CRB2: variants seen among roughly 807,000 people sequenced by gnomAD.
CRB2 encodes the protein crumbs cell polarity complex component 2.
Under a neutral mutation model 110.9 loss-of-function variants are expected in CRB2, and 85 were observed. The observed-to-expected ratio is 0.77, with a 90% CI of 0.64 to 0.92. The LOEUF is 0.92. Ranked by LOEUF, CRB2 falls within the 40% of genes least tolerant of loss-of-function variation. The pLI, the probability that CRB2 is intolerant of heterozygous loss-of-function variation, is 0.00. For synonymous variants in CRB2, 907 were observed against 831.0 expected (o/e 1.09, Z -1.57); for missense variants, 1,843 against 1,851.3 (o/e 1.00, Z 0.08).
chr9:123,367,294 C>T lies in CRB2; in HGVS notation c.877C>T (p.Pro293Ser). The T allele has an allele frequency of 1.2e-6, 2 of 1,604,108 alleles. No individual in the cohort carries two copies. Among genetic ancestry groups the T allele is most frequent in the Non-Finnish European group, 1.7e-6 (2 of 1,179,318 alleles). The part of the protein sequence containing the change: ...ALYGGVQAAF[P>S]GAFSFRHAAG... ...CTACGGGGGTGTCCAGGCCGCCTTC[C>T]CTGGCGCCTTCAGCTTCCGCCATGC... is the stretch of plus-strand genomic sequence containing the variant. The change falls in exon 5 of 13, where the codon CCT (proline) becomes TCT (serine). Residue 293 changes from proline to serine, a missense_variant. Physicochemically the swap from Pro to Ser is moderately conservative, Grantham distance 74. Transcript: ENST00000373631.
chr9:123,362,826 C>T, intron 1 of CRB2, 39 bp from the exon 2 acceptor site: 2 of 1,532,764 alleles, frequency 1.3e-6, no homozygotes, highest in South Asian at 1.3e-5. Flanking sequence ...TCCTTGTAAC[C>T]TCTGCCCACC....
At chr9:123,358,092 A>C (rs2041820589) in intron 1 of CRB2, among the ~76,000 whole-genome samples, 1 of 152,232 alleles carries the variant, frequency 6.6e-6, no homozygotes, top group South Asian at 2.1e-4. Flanking sequence ...CACTGCAGGC[A>C]TGACCATTTC....
At chr9:123,368,131 G>A (rs763369305) in intron 6 of CRB2, among the ~76,000 whole-genome samples, 31 of 152,010 alleles carry the variant, frequency 2.0e-4, no homozygotes, top group African/African-American at 1.2e-4. Flanking sequence ...ACAGGACCCC[G>A]GTGAGCCCAG....
intron 9 of CRB2, among the ~76,000 whole-genome samples, chr9:123,372,581 A>G (rs2042032544): frequency 1.3e-5 from 2 of 152,220 alleles, no homozygotes; most frequent in African/African-American, 4.8e-5. Context: ...GGAGTGGCAT[A>G]GCATGTGCCA....
upstream of CRB2, among the ~76,000 whole-genome samples, chr9:123,354,587 G>A (rs1018039117): frequency 2.0e-5 from 3 of 152,228 alleles, no homozygotes; most frequent in South Asian, 2.1e-4. Flanking sequence ...GATCTCTTAC[G>A]CTGTGAGGCC....
intron 7 of CRB2, 31 bp downstream of exon 7, chr9:123,371,011 C>T (rs1048705641): frequency 1.3e-6 from 2 of 1,595,262 alleles, no homozygotes; most frequent in Admixed American, 1.7e-5. Context: ...GAAGGCAGCA[C>T]CTGAGATCTG....
chr9:123,363,253 A>G (rs1050476715), intron 2 of CRB2, 65 bp downstream of exon 2: 2 of 1,479,596 alleles, frequency 1.4e-6, no homozygotes, highest in Non-Finnish European at 9.1e-7. Context: ...CTCAGAGTGT[A>G]AGCATCATGG....
intron 6 of CRB2, chr9:123,368,795 C>A: frequency 1.7e-6 from 2 of 1,192,242 alleles, no homozygotes; most frequent in Non-Finnish European, 2.1e-6. Flanking sequence ...GAGCAGGCTC[C>A]GAAGGAGGCA....
chr9:123,367,647 C>T lies in CRB2; in HGVS notation c.1015C>T (p.Pro339Ser). 6.4e-7 allele frequency: 1 copy of T among 1,569,134 alleles called. No individual in the cohort carries two copies. The highest frequency in any genetic ancestry group is 1.2e-5 in the South Asian group (1 of 85,110). Residue 339 changes from proline (P) to serine (S), a missense_variant, in exon 6 of 13, where the codon CCC becomes TCC. Physicochemically the swap from Pro to Ser is moderately conservative, Grantham distance 74 (BLOSUM62 -1). Coordinates refer to ENST00000373631, the MANE Select transcript of CRB2 (RefSeq NM_173689.7). ...CAACGGAGGCCACTGCCAGGACCTG[C>T]CCAATGGCTTCCAGTGTCACTGCCC... ...CLNGGHCQDL[P>S]NGFQCHCPDG...
intron 1 of CRB2, among the ~76,000 whole-genome samples, chr9:123,359,852 G>T (rs114130643): frequency 6.6e-6 from 1 of 152,122 alleles, no homozygotes; most frequent in African/African-American, 2.4e-5. Context: ...GACACAGTGG[G>T]ATTACTGACA....
At position 123,366,308 on chromosome 9, in the gene CRB2, C is replaced by G; in HGVS notation, c.696C>G (p.Cys232Trp). 6.5e-7 allele frequency: 1 copy of G among 1,531,510 alleles called. No individual in the cohort carries two copies. The highest frequency in any genetic ancestry group is 8.7e-7 in the Non-Finnish European group (1 of 1,152,028). The allele number at this position is 1,531,510 out of a possible 1,614,324, so 94.9% of individuals were successfully genotyped here. The change falls in exon 4 of 13, where the codon TGC (cysteine) becomes TGG (tryptophan). Residue 232 changes from cysteine (C) to tryptophan (W), a missense_variant. Transcript: ENST00000373631. ...REVLECASAP[C>W]EHNASCLEGL... ...TGCTGGAGTGCGCATCGGCGCCCTG[C>G]GAGCACAACGCGTCCTGCCTCGAGG...
intron 6 of CRB2, 69 bp downstream of exon 6, chr9:123,367,755 T>C (rs949393710): frequency 1.7e-5 from 18 of 1,041,556 alleles, no homozygotes; most frequent in Admixed American, 1.2e-4. Flanking sequence ...GTCCCTTCTG[T>C]CTGGATGTGT....
intron 1 of CRB2, among the ~76,000 whole-genome samples, 191 bp from the exon 2 acceptor site, chr9:123,362,674 C>T (rs150521044): frequency 5.9e-5 from 9 of 152,174 alleles, no homozygotes; most frequent in Admixed American, 5.2e-4. Context: ...CTCCTAAAAC[C>T]GTTCCCAGTT....
rs758441594 is a variant in CRB2, at chr9:123,373,720, G to C, written c.3189G>C (p.Ser1063=). 4.9e-5 allele frequency: 77 copies of C among 1,560,468 alleles called. No individual in the cohort carries two copies. The highest frequency in any genetic ancestry group is 1.2e-5 in the Non-Finnish European group (14 of 1,164,266). ...GCGGCGCGCCCGTGTGTGCGCCCTC[G>C]CCCTGTCTGCACGACGGTGCCTGCC... ...GCRGAPVCAP[S]PCLHDGACRD... The change falls in exon 10 of 13, where the codon TCG becomes TCC. Residue 1063 remains serine (S), a synonymous_variant. Coordinates refer to ENST00000373631, the MANE Select transcript of CRB2 (RefSeq NM_173689.7).
At chr9:123,368,426 G>A (rs145371470) in intron 6 of CRB2, among the ~76,000 whole-genome samples, 1 of 152,210 alleles carries the variant, frequency 6.6e-6, no homozygotes, top group Non-Finnish European at 1.5e-5. Context: ...CCCAAGTCCT[G>A]CTCCAAGAGC....
Position 123,366,023 on chromosome 9 carries a change from C to T in CRB2, c.525C>T (p.Gly175=), listed in dbSNP as rs2041926079. The change falls in exon 3 of 13, where the codon GGC becomes GGT. Residue 175 remains glycine (G), a synonymous_variant. Coordinates refer to ENST00000373631, the MANE Select transcript of CRB2 (RefSeq NM_173689.7). ...VGSFRCVCAP[G]YGGTRCQLDL... ...CCTTCCGCTGTGTGTGCGCGCCAGG[C>T]TACGGGGGCACCCGTTGCCAGCTGG... The T allele has an allele frequency of 6.3e-7, 1 of 1,591,194 alleles. No homozygotes were observed. The highest frequency in any genetic ancestry group is 1.7e-5 in the Admixed American group (1 of 59,262).
Position 123,370,631 on chromosome 9 carries a change from C to T in CRB2, c.1578C>T (p.Leu526=), listed in dbSNP as rs199722907. Residue 526 remains leucine (L), a synonymous_variant, in exon 7 of 13, where the codon CTC becomes CTT. Transcript: ENST00000373631. ...ATTGGCACCAGGTGGAGGTTGTGCT[C>T]CATCTAGCGACCCTGGAGCTACGGC... ...DGHWHQVEVV[L]HLATLELRLW... 2 of 1,610,954 alleles carry T rather than the reference C, an allele frequency of 1.2e-6. No individual in the cohort carries two copies. Among genetic ancestry groups the T allele is most frequent in the Non-Finnish European group, 1.7e-6 (2 of 1,180,016 alleles).
chr9:123,367,152 C>T lies in CRB2; in HGVS notation c.755-20C>T, dbSNP rs1281654286. 6.4e-7 allele frequency: 1 copy of T among 1,563,266 alleles called. No homozygotes were observed. Among genetic ancestry groups the T allele is most frequent in the East Asian group, 2.3e-5 (1 of 43,884 alleles). ...CCGGCAACCCCGTGAGACCTGATGT[C>T]CGCGTGTGTGTGCCCCCAGGCTACA... On this transcript the variant is annotated intron_variant, in intron 4 of 12. Coordinates refer to ENST00000373631, the MANE Select transcript of CRB2 (RefSeq NM_173689.7).
At chr9:123,368,194 C>T (rs1248476216) in intron 6 of CRB2, among the ~76,000 whole-genome samples, 3 of 152,136 alleles carry the variant, frequency 2.0e-5, no homozygotes, top group Admixed American at 6.5e-5. Context: ...ATGCCTGCGA[C>T]ACCTCCCTCA....
Sources: gnomAD v4.1 joint callset for allele counts (sites outside exome capture counted in the v4.1 genomes callset) on GRCh38, gnomAD v4.1.1 for gene constraint, MANE v1.5 for transcripts, NCBI Gene and HGNC (gene_info 2026-07-23, HGNC 2026-07-21) for gene names.